The following SNRNP40 variants were observed in gnomAD, a reference collection of about 807,000 sequenced individuals.
SNRNP40 encodes small nuclear ribonucleoprotein U5 subunit 40, also known as U5 small nuclear ribonucleoprotein 40 kDa protein.
SNRNP40 carries 21 observed loss-of-function variants against 45.8 expected under a neutral mutation model. The observed-to-expected ratio is 0.46, with a 90% CI of 0.32 to 0.66. The LOEUF (loss-of-function observed/expected upper bound fraction) is 0.66, where lower values mean the gene tolerates loss of function less well. Among genes scored for constraint, SNRNP40 ranks in the 30% least tolerant of loss-of-function variants. SNRNP40 has a pLI of 0.03. For synonymous variants in SNRNP40, 142 were observed against 163.8 expected, an observed-to-expected ratio of 0.87 and a Z score of 1.01; for missense variants, 344 against 439.1, an observed-to-expected ratio of 0.78 and a Z score of 1.94.
At chr1:31,280,795 T>C (rs1259466775) in intron 5 of SNRNP40, among the ~76,000 whole-genome samples, 1 of 149,668 alleles carries the variant, frequency 6.7e-6, no homozygotes, top group Non-Finnish European at 1.5e-5. Context: ...CATTACCCCC[T>C]CACCATTCAC....
intron 4 of SNRNP40, among the ~76,000 whole-genome samples, chr1:31,283,402 A>G (rs1447548468): frequency 6.6e-6 from 1 of 152,186 alleles, no homozygotes; most frequent in Non-Finnish European, 1.5e-5. Context: ...CAGGAGTTCA[A>G]GACCAGCGTG....
At chr1:31,261,717 C>G (rs1009082166) in intron 8 of SNRNP40, 85 bp from the exon 9 acceptor site, 22 of 787,056 alleles carry the variant, frequency 2.8e-5, no homozygotes, top group Admixed American at 2.6e-4. Flanking sequence ...GAAATGGAAG[C>G]AACAATTATT....
intron 3 of SNRNP40, among the ~76,000 whole-genome samples, chr1:31,290,967 A>T (rs1046312634): frequency 6.6e-6 from 1 of 152,120 alleles, no homozygotes; most frequent in Admixed American, 6.6e-5. Flanking sequence ...TCTGAGTAGA[A>T]AAAAAGGCAT....
intron 8 of SNRNP40, 43 bp from the exon 9 acceptor site, chr1:31,261,675 T>TG (rs772037599): frequency 7.7e-7 from 1 of 1,301,444 alleles, no homozygotes; most frequent in East Asian, 2.3e-5. Context: ...CTCTTAGAGC[T>TG]GGGGGTAGGA....
chr1:31,266,446 C>T (rs1645897429), intron 8 of SNRNP40, among the ~76,000 whole-genome samples: 1 of 152,154 alleles, frequency 6.6e-6, no homozygotes, highest in African/African-American at 2.4e-5. Flanking sequence ...TACCAGGCCT[C>T]ATTTGCAGCC....
chr1:31,289,316 AG>A lies in SNRNP40; in HGVS notation c.468del (p.Cys157ValfsTer41). Reference sequence around the variant, plus strand: ...TGAGGGCCTCTCCTGGCTGGATAACAGGAATTCACAAAGGAAGTATGTCCCT... The same window carrying A: ...TGAGGGCCTCTCCTGGCTGGATAACAGAATTCACAAAGGAAGTATGTCCCT... ...RLKGHTSFVNSCYPARRGPQL... is the reference protein window; with the variant it reads ...RLKGHTSFVNXCYPARRGPQL... On this transcript the variant is annotated frameshift_variant, in exon 4 of 10. Coordinates refer to ENST00000263694, the MANE Select transcript of SNRNP40 (RefSeq NM_004814.3). LOFTEE classifies it high-confidence loss of function. The A allele has an allele frequency of 6.2e-7, 1 of 1,614,106 alleles. No individual in the cohort carries two copies. Among genetic ancestry groups the A allele is most frequent in the Non-Finnish European group, 8.5e-7 (1 of 1,179,928 alleles).
intron 8 of SNRNP40, among the ~76,000 whole-genome samples, chr1:31,267,144 T>C (rs888387386): frequency 9.9e-5 from 15 of 152,088 alleles, no homozygotes; most frequent in Admixed American, 8.5e-4. Flanking sequence ...AGAGAGAACC[T>C]AGAGGTGAGA....
chr1:31,265,993 AG>A (rs1182870790), intron 8 of SNRNP40, among the ~76,000 whole-genome samples: 1 of 152,224 alleles, frequency 6.6e-6, no homozygotes, highest in Non-Finnish European at 1.5e-5. Flanking sequence ...AAAATTCTTT[AG>A]ATTTCCCTCT....
At chr1:31,278,295 G>GT (rs1645990338) in intron 5 of SNRNP40, among the ~76,000 whole-genome samples, 1 of 152,208 alleles carries the variant, frequency 6.6e-6, no homozygotes, top group Admixed American at 6.5e-5. Context: ...ACTATTGACA[G>GT]TAAGTAGACT....
chr1:31,271,325 G>A (rs1346469661), intron 6 of SNRNP40, 54 bp downstream of exon 6: 9 of 1,566,758 alleles, frequency 5.7e-6, no homozygotes, highest in Non-Finnish European at 7.8e-6. Context: ...GAATCTGTGA[G>A]CAATCTTTGA....
chr1:31,288,275 A>G (rs1273752559), intron 4 of SNRNP40, among the ~76,000 whole-genome samples: 1 of 152,256 alleles, frequency 6.6e-6, no homozygotes, highest in Non-Finnish European at 1.5e-5. Context: ...TTAACAATTA[A>G]AATATAAACC....
At chr1:31,262,811 C>T (rs1255005919) in intron 8 of SNRNP40, among the ~76,000 whole-genome samples, 1 of 151,904 alleles carries the variant, frequency 6.6e-6, no homozygotes, top group Non-Finnish European at 1.5e-5. Context: ...GAGCTTGAGA[C>T]CAGCTTGGAC....
intron 4 of SNRNP40, among the ~76,000 whole-genome samples, chr1:31,285,563 G>C (rs1293006877): frequency 6.6e-6 from 1 of 152,038 alleles, no homozygotes; most frequent in East Asian, 1.9e-4. Flanking sequence ...AATAGTGTCT[G>C]TCCTACAAAG....
chr1:31,267,973 C>T, intron 7 of SNRNP40, 41 bp from the exon 8 acceptor site: 1 of 1,415,398 alleles, frequency 7.1e-7, no homozygotes, highest in African/African-American at 1.4e-5. Flanking sequence ...ATATACCAAA[C>T]TCCTCTTTGC....
At chr1:31,263,509 C>A in intron 8 of SNRNP40, 1 of 360,724 alleles carries the variant, frequency 2.8e-6, no homozygotes, top group Admixed American at 3.8e-5. Flanking sequence ...TTTAGAGAGC[C>A]CCTGAAATCA....
At chr1:31,261,401 C>A (rs1645858150) in intron 9 of SNRNP40, 128 bp downstream of exon 9, 1 of 646,602 alleles carries the variant, frequency 1.5e-6, no homozygotes, top group South Asian at 2.0e-5. Flanking sequence ...ACAACAACAA[C>A]AAAAACACCC....
At position 31,289,338 on chromosome 1, in the gene SNRNP40, T is replaced by A. The variant is rs745444280; in HGVS notation, c.447A>T (p.Gly149=). The A allele has an allele frequency of 6.2e-7, 1 of 1,614,036 alleles. No homozygotes were observed. Among genetic ancestry groups the A allele is most frequent in the South Asian group, 1.1e-5 (1 of 91,080 alleles). The change falls in exon 4 of 10, where the codon GGA becomes GGT. Residue 149 remains glycine, a synonymous_variant. Transcript: ENST00000263694. ...ETGERVKRLK[G]HTSFVNSCYP... is the part of the protein sequence containing the mutation. ...AACAGGAATTCACAAAGGAAGTATG[T>A]CCCTTTAGCCTTTTAACCCTCTCAC...
At chr1:31,263,861 C>T (rs1014389425) in intron 8 of SNRNP40, among the ~76,000 whole-genome samples, 2 of 137,496 alleles carry the variant, frequency 1.5e-5, no homozygotes. Context: ...CTCTGGAGCT[C>T]TTAATATACT....
chr1:31,282,487 C>CTATG (rs1553166889), intron 4 of SNRNP40: 22 of 107,786 alleles, frequency 2.0e-4, no homozygotes, highest in African/African-American at 4.5e-4. Flanking sequence ...ATCTATGTAT[C>CTATG]TATCTATCTA....
Sources: allele counts gnomAD v4.1 joint callset (sites outside exome capture counted in the v4.1 genomes callset), GRCh38; gene constraint gnomAD v4.1.1; transcripts MANE v1.5; gene names NCBI Gene and HGNC (gene_info 2026-07-23, HGNC 2026-07-21).